The following GAB1 variants were observed in gnomAD, a reference collection of about 807,000 sequenced individuals.
The protein encoded by GAB1 is GRB2-associated-binding protein 1.
Under a neutral mutation model 66.5 loss-of-function variants are expected in GAB1, and 19 were observed. The observed-to-expected ratio is 0.29, with a 90% CI of 0.20 to 0.42. GAB1 has a LOEUF of 0.42. Ranked by LOEUF, GAB1 falls within the 10% of genes least tolerant of loss-of-function variation. GAB1 has a pLI of 1.00. For missense variants in GAB1, 732 were observed against 858.5 expected (o/e 0.85, Z 1.84); for synonymous variants, 294 against 301.4 (o/e 0.98, Z 0.25).
chr4:143,459,440 C>T lies in GAB1; in HGVS notation c.1641C>T (p.Ala547=), dbSNP rs142038025. Residue 547 remains alanine (A), a synonymous_variant, in exon 7 of 10, where the codon GCC becomes GCT. Coordinates refer to ENST00000262994, the MANE Select transcript of GAB1 (RefSeq NM_002039.4). ...KPLPEWEELQ[A]PVRSPITRSF... ...TGCCAGAATGGGAAGAATTACAAGCCCCAGTTAGATCTCCCATCACTAGGA... is the reference window on the plus strand; with the variant it reads ...TGCCAGAATGGGAAGAATTACAAGCTCCAGTTAGATCTCCCATCACTAGGA... The T allele has an allele frequency of 1.2e-5, 19 of 1,608,512 alleles. No individual in the cohort carries two copies. The highest frequency in any genetic ancestry group is 2.7e-5 in the African/African-American group (2 of 74,758).
chr4:143,373,870 T>TAAATAAATAAATAAATAA (rs1261588757), intron 1 of GAB1, among the ~76,000 whole-genome samples: 16 of 126,844 alleles, frequency 1.3e-4, no homozygotes, highest in African/African-American at 1.6e-4. Context: ...AATAAATAAA[T>TAAATAAATAAATAAATAA]ATATATATAT....
chr4:143,439,274 A>T (rs1277909288), intron 4 of GAB1, among the ~76,000 whole-genome samples: 1 of 152,232 alleles, frequency 6.6e-6, no homozygotes, highest in African/African-American at 2.4e-5. Context: ...ACAAATAGAA[A>T]GCTAAAGTTT....
intron 1 of GAB1, among the ~76,000 whole-genome samples, chr4:143,338,712 G>GTGTGTGT (rs1728734926): frequency 1.1e-4 from 16 of 149,288 alleles, no homozygotes; most frequent in African/African-American, 4.0e-4. Flanking sequence ...GAAAGGTAGG[G>GTGTGTGT]GTGTGTGTGT....
At chr4:143,387,803 T>C (rs3805245) in intron 1 of GAB1, among the ~76,000 whole-genome samples, 77,217 of 151,926 alleles carry the variant, frequency 0.51, 20,655 homozygotes, top group African/African-American at 0.67. Context: ...AAGCCAAGCC[T>C]CTAAGGTCCT....
intron 1 of GAB1, among the ~76,000 whole-genome samples, chr4:143,348,571 C>T (rs1392982034): frequency 6.6e-6 from 1 of 152,244 alleles, no homozygotes; most frequent in East Asian, 1.9e-4. Context: ...GCTGCAATAG[C>T]CAGTTGCAGT....
Position 143,466,599 on chromosome 4 carries a change from C to G in GAB1, c.1926+374C>G, listed in dbSNP as rs552487766. On this transcript the variant is annotated intron_variant, in intron 9 of 9. Coordinates refer to ENST00000262994, the MANE Select transcript of GAB1 (RefSeq NM_002039.4). ...CCGCTTCCCAGGTCCAAATGATTCT[C>G]CTGCCTCAGCCTCCCAAATAGCTGG... is the stretch of plus-strand genomic sequence containing the variant. 1.0e-4 allele frequency among the ~76,000 whole-genome samples: 15 copies of G among 146,794 alleles called. No individual in the cohort carries two copies. In the South Asian group the frequency reaches 2.4e-3, roughly 23 times the overall value.
Position 143,356,698 on chromosome 4 carries a change from A to G in GAB1, c.72+19438A>G, listed in dbSNP as rs1226502564. The stretch of plus-strand genomic sequence containing the variant: ...ACACAAAGAAAGGGAGGGTTGGGTT[A>G]TGTGATGCAAACACCACGTTAGCCT... On this transcript the variant is annotated intron_variant, in intron 1 of 9. Transcript: ENST00000262994. Among the ~76,000 whole-genome samples the G allele has an allele frequency of 3.3e-5, 5 of 152,312 alleles. No homozygotes were observed. In the Middle Eastern group the frequency reaches 0.01, roughly 311 times the overall value.
chr4:143,362,434 T>C (rs1729700715), intron 1 of GAB1, among the ~76,000 whole-genome samples: 1 of 152,134 alleles, frequency 6.6e-6, no homozygotes, highest in Admixed American at 6.5e-5. Flanking sequence ...GAATGGCTAC[T>C]CCATAGAGCA....
chr4:143,348,702 C>T (rs1238670523), intron 1 of GAB1, among the ~76,000 whole-genome samples: 1 of 152,234 alleles, frequency 6.6e-6, no homozygotes, highest in Non-Finnish European at 1.5e-5. Flanking sequence ...CTGCCGCGCT[C>T]TTTTGCTCTT....
Position 143,474,160 on chromosome 4 carries a change from A to G in GAB1, c.*4971A>G, listed in dbSNP as rs1430916865. On this transcript the variant is annotated 3_prime_UTR_variant, in exon 10 of 10. Transcript: ENST00000262994. ...TAGATTTCCTGATTTAAAATTATAC[A>G]AAATTACTATTTTTGATAAAATAAA... is the stretch of plus-strand genomic sequence containing the variant. 1 of 152,210 alleles carries G rather than the reference A, an allele frequency of 6.6e-6. No homozygotes were observed. The highest frequency in any genetic ancestry group is 1.5e-5 in the Non-Finnish European group (1 of 68,042). The allele number at this position is 152,210 out of a possible 1,614,324, so 9.4% of individuals were successfully genotyped here.
At chr4:143,365,675 A>G (rs1302422517) in intron 1 of GAB1, among the ~76,000 whole-genome samples, 2 of 152,176 alleles carry the variant, frequency 1.3e-5, no homozygotes, top group Admixed American at 6.5e-5. Flanking sequence ...CCCATAGAGC[A>G]TTTTTCTACA....
chr4:143,361,564 A>G (rs1385707962), intron 1 of GAB1, among the ~76,000 whole-genome samples: 2 of 152,214 alleles, frequency 1.3e-5, no homozygotes, highest in African/African-American at 4.8e-5. Flanking sequence ...GGAAAAGCTG[A>G]GAACTCACCT....
chr4:143,415,743 C>A lies in GAB1; in HGVS notation c.339C>A (p.Asp113Glu). ...ATAAGTGGGTTCGTTGTATTTGTGA[C>A]ATCTGTGGGTTTAATCCAACAGAAG... ...EMNKWVRCICDICGFNPTEED... is the reference protein window; with the variant it reads ...EMNKWVRCICEICGFNPTEED... The change falls in exon 2 of 10, where the codon GAC becomes GAA. Residue 113 changes from aspartate (D) to glutamate (E), a missense_variant. Physicochemically the swap from Asp to Glu is conservative, Grantham distance 45 (BLOSUM62 2). Transcript: ENST00000262994. 1 of 1,610,464 alleles carries A rather than the reference C, an allele frequency of 6.2e-7. No homozygotes were observed. Among genetic ancestry groups the A allele is most frequent in the South Asian group, 1.1e-5 (1 of 90,652 alleles).
intron 1 of GAB1, among the ~76,000 whole-genome samples, chr4:143,378,153 T>C (rs1180790437): frequency 1.3e-5 from 2 of 152,242 alleles, no homozygotes; most frequent in African/African-American, 4.8e-5. Context: ...ATTGAAAAAT[T>C]GTAAAAATGC....
intron 2 of GAB1, among the ~76,000 whole-genome samples, chr4:143,417,229 T>C (rs947008044): frequency 6.6e-6 from 1 of 152,000 alleles, no homozygotes; most frequent in Non-Finnish European, 1.5e-5. Context: ...AGAGAAGGAA[T>C]CGAATTTTAC....
intron 2 of GAB1, among the ~76,000 whole-genome samples, chr4:143,419,929 C>T (rs1341340776): frequency 2.0e-5 from 3 of 152,096 alleles, no homozygotes; most frequent in Non-Finnish European, 2.9e-5. Flanking sequence ...AATGGCGAAA[C>T]TGCAAAAAGA....
chr4:143,405,951 G>GA (rs1578664667), intron 1 of GAB1, among the ~76,000 whole-genome samples: 1 of 150,806 alleles, frequency 6.6e-6, no homozygotes, highest in South Asian at 2.1e-4. Context: ...ACCATGGGGA[G>GA]AAAAAAAACT....
At chr4:143,467,742 G>T (rs1049335974) in intron 9 of GAB1, among the ~76,000 whole-genome samples, 18 of 152,144 alleles carry the variant, frequency 1.2e-4, no homozygotes, top group African/African-American at 4.1e-4. Flanking sequence ...GACCACATCA[G>T]TTCCCTTCAG....
chr4:143,397,251 T>A (rs1463201755), intron 1 of GAB1, among the ~76,000 whole-genome samples: 1 of 152,138 alleles, frequency 6.6e-6, no homozygotes, highest in Non-Finnish European at 1.5e-5. Context: ...AAAAAAATGA[T>A]TACACATTGT....
Sources: allele counts gnomAD v4.1 joint callset (sites outside exome capture counted in the v4.1 genomes callset), GRCh38; gene constraint gnomAD v4.1.1; transcripts MANE v1.5; gene names NCBI Gene and HGNC (gene_info 2026-07-23, HGNC 2026-07-21).